SIPA1L3: variants seen among roughly 807,000 people sequenced by gnomAD.
SIPA1L3 encodes signal-induced proliferation-associated 1-like protein 3.
A neutral mutation model predicts 150.1 loss-of-function variants in SIPA1L3; 59 were observed. The observed-to-expected ratio is 0.39, with a 90% CI of 0.32 to 0.49. The LOEUF (loss-of-function observed/expected upper bound fraction) is 0.49, where lower values mean the gene tolerates loss of function less well. Ranked by LOEUF, SIPA1L3 falls within the 20% of genes least tolerant of loss-of-function variation. The pLI, the probability that SIPA1L3 is intolerant of heterozygous loss-of-function variation, is 0.86. For missense variants in SIPA1L3, 2,211 were observed against 2,489.5 expected (o/e 0.89, Z 2.38); for synonymous variants, 1,070 against 1,077.6 (o/e 0.99, Z 0.14).
rs1385964013 is a variant in SIPA1L3 at position 38,101,083 on chromosome 19, A to G, written c.1886A>G (p.Tyr629Cys). The stretch of plus-strand genomic sequence containing the variant: ...CGGAAGCACAAGGTGGGCATCCTCT[A>G]TTGCAAGGCCGGCCAGAGCTCCGAG... ...LCRKHKVGIL[Y>C]CKAGQSSEEE... Residue 629 changes from tyrosine (Y) to cysteine (C), a missense_variant, in exon 6 of 22, where the codon TAT (tyrosine) becomes TGT (cysteine). This residue lies in a region of SIPA1L3 where 625 missense variants were observed against 804.2 expected (regional missense o/e 0.78). Coordinates refer to ENST00000222345, the MANE Select transcript of SIPA1L3 (RefSeq NM_015073.3). 6.3e-7 allele frequency: 1 copy of G among 1,588,076 alleles called. No homozygotes were observed. The highest frequency in any genetic ancestry group is 8.6e-7 in the Non-Finnish European group (1 of 1,166,278).
At chr19:38,076,786 G>T (rs1185936385) in intron 2 of SIPA1L3, among the ~76,000 whole-genome samples, 1 of 152,202 alleles carries the variant, frequency 6.6e-6, no homozygotes, top group Non-Finnish European at 1.5e-5. Context: ...TGAATCCAGT[G>T]TGAGGACCAT....
chr19:38,101,715 G>A (rs1188245200), intron 6 of SIPA1L3, among the ~76,000 whole-genome samples: 2 of 151,886 alleles, frequency 1.3e-5, no homozygotes, highest in East Asian at 1.9e-4. Flanking sequence ...CTGGCCATGT[G>A]CAGCCACTTT....
At chr19:38,094,380 C>G (rs1379399292) in intron 4 of SIPA1L3, among the ~76,000 whole-genome samples, 3 of 152,090 alleles carry the variant, frequency 2.0e-5, no homozygotes, top group East Asian at 3.9e-4. Context: ...TCCCAAGTAG[C>G]TGAGACCACA....
intron 2 of SIPA1L3, among the ~76,000 whole-genome samples, chr19:38,060,094 C>T (rs1294537712): frequency 6.6e-6 from 1 of 152,180 alleles, no homozygotes; most frequent in African/African-American, 2.4e-5. Flanking sequence ...TTTCTAAAAG[C>T]AACTGCTCTC....
chr19:38,061,206 A>G (rs541519848), intron 2 of SIPA1L3, among the ~76,000 whole-genome samples: 9 of 151,456 alleles, frequency 5.9e-5, no homozygotes, highest in African/African-American at 2.2e-4. Flanking sequence ...TTTATTTAGC[A>G]CATGGTTTGG....
Position 38,101,166 on chromosome 19 carries a change from A to C in SIPA1L3, c.1969A>C (p.Ile657Leu). 1 of 1,609,546 alleles carries C rather than the reference A, an allele frequency of 6.2e-7. No individual in the cohort carries two copies. The highest frequency in any genetic ancestry group is 8.5e-7 in the Non-Finnish European group (1 of 1,178,312). The change falls in exon 6 of 22, where the codon ATC becomes CTC. Residue 657 changes from isoleucine to leucine, a missense_variant. This residue lies in a region of SIPA1L3 where 625 missense variants were observed against 804.2 expected (regional missense o/e 0.78). Coordinates refer to ENST00000222345, the MANE Select transcript of SIPA1L3 (RefSeq NM_015073.3). ...GPAFEEFLSL[I>L]GEKVCLKGFT... ...CGCCTTTGAGGAGTTCCTCTCCCTC[A>C]TCGGCGAGAAGGTCTGCCTGAAGGG... is the stretch of plus-strand genomic sequence containing the variant.
chr19:37,974,353 C>G (rs1967023968), intron 1 of SIPA1L3, among the ~76,000 whole-genome samples: 1 of 151,868 alleles, frequency 6.6e-6, no homozygotes, highest in Non-Finnish European at 1.5e-5. Context: ...GATCCCATCT[C>G]TACAAAAAAA....
intron 15 of SIPA1L3, among the ~76,000 whole-genome samples, chr19:38,170,004 G>A (rs1972292016): frequency 6.6e-6 from 1 of 151,822 alleles, no homozygotes; most frequent in Non-Finnish European, 1.5e-5. Flanking sequence ...GGCCCAGGTA[G>A]AGGGGCCAGG....
chr19:38,086,863 A>G (rs1410629718), intron 3 of SIPA1L3, among the ~76,000 whole-genome samples: 1 of 152,202 alleles, frequency 6.6e-6, no homozygotes, highest in Non-Finnish European at 1.5e-5. Flanking sequence ...GGTGGGGATC[A>G]GTGCATGGAA....
At chr19:37,947,541 C>T (rs1262540815) in intron 1 of SIPA1L3, among the ~76,000 whole-genome samples, 1 of 152,056 alleles carries the variant, frequency 6.6e-6, no homozygotes, top group Non-Finnish European at 1.5e-5. Context: ...TGAGTTGTCC[C>T]TATCCTACTG....
intron 1 of SIPA1L3, among the ~76,000 whole-genome samples, chr19:37,994,120 T>C (rs1373688896): frequency 6.6e-6 from 1 of 152,156 alleles, no homozygotes; most frequent in Non-Finnish European, 1.5e-5. Context: ...CAGACTGGTA[T>C]TGAACTTCTG....
intron 8 of SIPA1L3, among the ~76,000 whole-genome samples, chr19:38,117,636 C>T (rs1351726447): frequency 6.6e-6 from 1 of 151,098 alleles, no homozygotes; most frequent in East Asian, 1.9e-4. Context: ...AAAAAAAGAG[C>T]ATTACCTATG....
intron 1 of SIPA1L3, among the ~76,000 whole-genome samples, chr19:37,941,077 CACACACACAT>C (rs1419866079): frequency 0.015 from 2,048 of 137,404 alleles, 30 homozygotes; most frequent in African/African-American, 0.041. Context: ...GATGTACACA[CACACACACAT>C]ACACACACAC....
intron 1 of SIPA1L3, among the ~76,000 whole-genome samples, chr19:37,989,400 T>C (rs77300258): frequency 6.6e-6 from 1 of 152,218 alleles, no homozygotes; most frequent in African/African-American, 2.4e-5. Context: ...TTAAAAAATA[T>C]TTAGTAGAGA....
chr19:38,142,490 C>CATCTGTCTGTCTGTCCGTCTGTCCATCG, intron 11 of SIPA1L3, 83 bp from the exon 12 acceptor site: 1 of 1,445,046 alleles, frequency 6.9e-7, no homozygotes, highest in Non-Finnish European at 9.4e-7. Flanking sequence ...TCTGTCCATC[C>CATCTGTCTGTCTGTCCGTCTGTCCATCG]ATCTGTCTGT....
At chr19:37,967,531 C>T (rs1220198763) in intron 1 of SIPA1L3, among the ~76,000 whole-genome samples, 1 of 152,096 alleles carries the variant, frequency 6.6e-6, no homozygotes, top group Non-Finnish European at 1.5e-5. Flanking sequence ...GGATTACAGG[C>T]GTGAGCCACC....
chr19:38,155,062 G>A (rs1245783722), intron 13 of SIPA1L3, among the ~76,000 whole-genome samples: 1 of 151,964 alleles, frequency 6.6e-6, no homozygotes, highest in Non-Finnish European at 1.5e-5. Flanking sequence ...CACAGGGCTA[G>A]TATGTTTAAC....
chr19:38,171,151 G>A (rs922899960), intron 15 of SIPA1L3, among the ~76,000 whole-genome samples: 12 of 152,216 alleles, frequency 7.9e-5, no homozygotes, highest in African/African-American at 2.9e-4. Flanking sequence ...CGTGGAGAAA[G>A]TATGTCTATG....
At chr19:38,052,702 G>T (rs1481788984) in intron 2 of SIPA1L3, among the ~76,000 whole-genome samples, 3 of 152,254 alleles carry the variant, frequency 2.0e-5, no homozygotes, top group Admixed American at 2.0e-4. Flanking sequence ...TGGCACTGAG[G>T]TAAGTCCCTT....
Sources: gnomAD v4.1 joint callset for allele counts (sites outside exome capture counted in the v4.1 genomes callset) on GRCh38, gnomAD v4.1.1 for gene constraint, gnomAD v4.1.1 regional missense constraint, MANE v1.5 for transcripts, NCBI Gene and HGNC (gene_info 2026-07-23, HGNC 2026-07-21) for gene names.